Variants in MAP3K4 observed in about 807,000 individuals in gnomAD.
MAP3K4 encodes the protein mitogen-activated protein kinase kinase kinase 4.
In MAP3K4, 67 loss-of-function variants were observed where a neutral mutation model predicts 185.6. The observed-to-expected ratio is 0.36, with a 90% confidence interval of 0.30 to 0.44. MAP3K4 has a LOEUF of 0.44. Among genes scored for constraint, MAP3K4 ranks in the 20% least tolerant of loss-of-function variants. The pLI is 1.00. For synonymous variants in MAP3K4, 702 were observed against 710.4 expected, an observed-to-expected ratio of 0.99 and a Z score of 0.19; for missense variants, 1,551 against 1,995.1, an observed-to-expected ratio of 0.78 and a Z score of 4.24.
At chr6:161,038,553 C>G (rs1783291699) in intron 2 of MAP3K4, among the ~76,000 whole-genome samples, 2 of 152,208 alleles carry the variant, frequency 1.3e-5, no homozygotes, top group Admixed American at 1.3e-4. Flanking sequence ...CAGAGTTGGA[C>G]TCATCTTTTA....
In MAP3K4 at chr6:161,087,133, G is replaced by C. The variant is rs1321047477; in HGVS notation, c.2556+466G>C. ...TTTAGCACAGTTAGAATCCGTATGT[G>C]ATGTCATCACTGGACATTTTATCCC... On this transcript the variant is annotated intron_variant, in intron 9 of 26. Coordinates refer to ENST00000392142, the MANE Select transcript of MAP3K4 (RefSeq NM_005922.4). This position sits in a 1 kb window ranked among gnomAD's most constrained non-coding sequence, Gnocchi z 4.9. Among the ~76,000 whole-genome samples, 1 of 152,138 alleles carries C rather than the reference G, an allele frequency of 6.6e-6. No individual in the cohort carries two copies. Among genetic ancestry groups the C allele is most frequent in the African/African-American group, 2.4e-5 (1 of 41,424 alleles).
intron 1 of MAP3K4, among the ~76,000 whole-genome samples, chr6:161,009,303 A>T (rs1316284528): frequency 2.6e-5 from 4 of 152,148 alleles, no homozygotes; most frequent in South Asian, 2.1e-4. Context: ...TTAAGGGTAC[A>T]GTTCAGTAGC....
intron 3 of MAP3K4, among the ~76,000 whole-genome samples, chr6:161,060,637 T>TTTTTTTG (rs1491475882): frequency 2.2e-5 from 3 of 135,770 alleles, no homozygotes; most frequent in African/African-American, 9.1e-5. Flanking sequence ...TTTTTTTTTT[T>TTTTTTTG]GAGAAGGAGT....
At chr6:161,004,466 A>G (rs1451041451) in intron 1 of MAP3K4, among the ~76,000 whole-genome samples, 2 of 152,246 alleles carry the variant, frequency 1.3e-5, no homozygotes, top group African/African-American at 4.8e-5. Context: ...ACAACATGAC[A>G]GATAAACCTA....
intron 1 of MAP3K4, among the ~76,000 whole-genome samples, chr6:161,013,657 C>A (rs906909177): frequency 1.3e-5 from 2 of 152,198 alleles, no homozygotes; most frequent in Non-Finnish European, 2.9e-5. Context: ...ATTGAAGAGG[C>A]AACGTTACAT....
In MAP3K4 at chr6:161,048,223, A is replaced by G. The variant is rs1783826807; in HGVS notation, c.344-393A>G. On this transcript the variant is annotated intron_variant, in intron 2 of 26. Transcript: ENST00000392142. This position sits in a 1 kb window ranked among gnomAD's most constrained non-coding sequence, Gnocchi z 4.7. ...CATTTAGCTAATGACAAATGCAGGA[A>G]TTAAATATATTTTCTCATCCAGGTG... is the stretch of plus-strand genomic sequence containing the variant. 1.9e-6 allele frequency: 1 copy of G among 533,574 alleles called. No homozygotes were observed. The highest frequency in any genetic ancestry group is 3.8e-6 in the Non-Finnish European group (1 of 261,234). 33.1% of individuals were successfully genotyped at this position (533,574 alleles called of 1,614,324 possible).
At chr6:161,009,266 G>T (rs1387213189) in intron 1 of MAP3K4, among the ~76,000 whole-genome samples, 1 of 152,150 alleles carries the variant, frequency 6.6e-6, no homozygotes, top group Non-Finnish European at 1.5e-5. Flanking sequence ...TTACAGGTGT[G>T]AGTCACCGTG....
At position 160,996,882 on chromosome 6, in the gene MAP3K4, G is replaced by A. The variant is rs1449060837; in HGVS notation, c.152+4799G>A. On this transcript the variant is annotated intron_variant, in intron 1 of 26. Coordinates refer to ENST00000392142, the MANE Select transcript of MAP3K4 (RefSeq NM_005922.4). This position sits in a 1 kb window ranked among gnomAD's most constrained non-coding sequence, Gnocchi z 4.5. Reference sequence around the variant, plus strand: ...CAAGGGAAATGAGTTGAATGATCCCGGTGACTCATGTTAGCAGACCAGTGA... The same window carrying A: ...CAAGGGAAATGAGTTGAATGATCCCAGTGACTCATGTTAGCAGACCAGTGA... Among the ~76,000 whole-genome samples, 1 of 152,108 alleles carries A rather than the reference G, an allele frequency of 6.6e-6. No individual in the cohort carries two copies. Among genetic ancestry groups the A allele is most frequent in the Non-Finnish European group, 1.5e-5 (1 of 68,020 alleles).
intron 2 of MAP3K4, among the ~76,000 whole-genome samples, chr6:161,036,701 A>G (rs142330478): frequency 7.2e-5 from 11 of 152,304 alleles, no homozygotes; most frequent in African/African-American, 2.6e-4. Flanking sequence ...TGTGCTTAAC[A>G]CCTCAAAAGA....
In MAP3K4 at chr6:161,080,225, C is replaced by T. The variant is rs1035387121; in HGVS notation, c.2098-656C>T. Among the ~76,000 whole-genome samples the T allele has an allele frequency of 2.6e-5, 4 of 152,140 alleles. No individual in the cohort carries two copies. The highest frequency in any genetic ancestry group is 9.7e-5 in the African/African-American group (4 of 41,418). ...AGACAGGGTTGTTCTAGAAGGTGGC[C>T]ATTGCAAACCTGTTGAGAAAAACTG... On this transcript the variant is annotated intron_variant, in intron 5 of 26. Transcript: ENST00000392142. The surrounding 1 kb of genome is among the most constrained non-coding windows in gnomAD (Gnocchi z 4.8).
chr6:161,099,730 G>A (rs1392525780), intron 17 of MAP3K4, among the ~76,000 whole-genome samples: 3 of 152,184 alleles, frequency 2.0e-5, no homozygotes, highest in Non-Finnish European at 2.9e-5. Flanking sequence ...GACTGCTCCC[G>A]AACTGGACAA....
intron 15 of MAP3K4, among the ~76,000 whole-genome samples, chr6:161,094,096 C>T (rs561563933): frequency 6.6e-6 from 1 of 152,202 alleles, no homozygotes; most frequent in Non-Finnish European, 1.5e-5. Context: ...TTCAATTACA[C>T]ATTTCTTTCT....
Position 161,049,683 on chromosome 6 carries a change from G to T in MAP3K4, c.1411G>T (p.Val471Leu). 1 of 1,614,070 alleles carries T rather than the reference G, an allele frequency of 6.2e-7. No homozygotes were observed. Residue 471 changes from valine to leucine, a missense_variant, in exon 3 of 27, where the codon GTA becomes TTA. Val to Leu is a conservative substitution (Grantham distance 32). Coordinates refer to ENST00000392142, the MANE Select transcript of MAP3K4 (RefSeq NM_005922.4). The surrounding 1 kb of genome is among the most constrained non-coding windows in gnomAD (Gnocchi z 8.4). ...SEEEQISDPR[V>L]PEIRQPIDNS... The stretch of plus-strand genomic sequence containing the variant: ...AGAAGAACAAATCTCTGATCCTAGG[G>T]TACCGGAAATCAGACAGCCCATAGA...
rs981799799 is a variant in MAP3K4 at position 161,077,814 on chromosome 6, G to A, written c.2098-3067G>A. On this transcript the variant is annotated intron_variant, in intron 5 of 26. Coordinates refer to ENST00000392142, the MANE Select transcript of MAP3K4 (RefSeq NM_005922.4). This position sits in a 1 kb window ranked among gnomAD's most constrained non-coding sequence, Gnocchi z 4.3. ...CCGGTGAGGAGTTTTAAATTGGGCTGAGGGCATTTGAAAGCCCTCAGGCTT... is the reference window on the plus strand; with the variant it reads ...CCGGTGAGGAGTTTTAAATTGGGCTAAGGGCATTTGAAAGCCCTCAGGCTT... Among the ~76,000 whole-genome samples, 13 of 152,282 alleles carry A rather than the reference G, an allele frequency of 8.5e-5. No homozygotes were observed. The highest frequency in any genetic ancestry group is 8.5e-4 in the Admixed American group (13 of 15,308).
intron 3 of MAP3K4, among the ~76,000 whole-genome samples, chr6:161,059,056 A>G (rs559734469): frequency 2.6e-5 from 4 of 152,290 alleles, no homozygotes; most frequent in African/African-American, 9.6e-5. Flanking sequence ...ATACTAATTT[A>G]TACTTAAAAC....
At position 161,109,675 on chromosome 6, in the gene MAP3K4, TAGG is replaced by T; in HGVS notation, c.4237-78_4237-76del. On this transcript the variant is annotated intron_variant, in intron 22 of 26. Transcript: ENST00000392142. The surrounding 1 kb of genome is among the most constrained non-coding windows in gnomAD (Gnocchi z 5.7). ...AAGAACATTCCTTTGGGGTGTGGCC[TAGG>T]AAGTTTTCCAGATTTTTCACTAGCG... 1 of 1,430,750 alleles carries T rather than the reference TAGG, an allele frequency of 7.0e-7. No individual in the cohort carries two copies. Among genetic ancestry groups the T allele is most frequent in the South Asian group, 1.2e-5 (1 of 82,998 alleles). 88.6% of individuals were successfully genotyped at this position (1,430,750 alleles called of 1,614,324 possible).
chr6:161,066,073 C>T (rs759183876), intron 3 of MAP3K4, among the ~76,000 whole-genome samples: 17 of 152,084 alleles, frequency 1.1e-4, no homozygotes, highest in Non-Finnish European at 2.2e-4. Context: ...GGATGCGCAA[C>T]CTATATAAGT....
chr6:161,112,530 G>C lies in MAP3K4; in HGVS notation c.4520-138G>C, dbSNP rs1320911459. 2.0e-6 allele frequency: 1 copy of C among 511,350 alleles called. No homozygotes were observed. The highest frequency in any genetic ancestry group is 3.2e-6 in the Non-Finnish European group (1 of 313,956). 31.7% of individuals were successfully genotyped at this position (511,350 alleles called of 1,614,324 possible). Reference sequence around the variant, plus strand: ...TTTGTTCAACAAGTTGACTTGAACTGTCTGTAAATTTTTGATATTTCCCAT... The same window carrying C: ...TTTGTTCAACAAGTTGACTTGAACTCTCTGTAAATTTTTGATATTTCCCAT... On this transcript the variant is annotated intron_variant, in intron 24 of 26. Transcript: ENST00000392142. This position sits in a 1 kb window ranked among gnomAD's most constrained non-coding sequence, Gnocchi z 5.1.
chr6:161,087,576 C>T lies in MAP3K4; in HGVS notation c.2557-112C>T, dbSNP rs1260163528. On this transcript the variant is annotated intron_variant, in intron 9 of 26. Transcript: ENST00000392142. This position sits in a 1 kb window ranked among gnomAD's most constrained non-coding sequence, Gnocchi z 4.9. The stretch of plus-strand genomic sequence containing the variant: ...GTTCCCTCACTGCTCCAATTCATGC[C>T]CTTCCCACTTTCCCTTTCCCAAACC... 8 of 1,081,298 alleles carry T rather than the reference C, an allele frequency of 7.4e-6. No individual in the cohort carries two copies. The East Asian group carries it at 1.9e-4, about 26-fold the overall frequency. 67.0% of individuals were successfully genotyped at this position (1,081,298 alleles called of 1,614,324 possible).
Sources: gnomAD v4.1 joint callset for allele counts (sites outside exome capture counted in the v4.1 genomes callset) on GRCh38, gnomAD v4.1.1 for gene constraint, Gnocchi (gnomAD v3.1) non-coding constraint, MANE v1.5 for transcripts, NCBI Gene and HGNC (gene_info 2026-07-23, HGNC 2026-07-21) for gene names.